Variants in FNDC3A observed in about 807,000 individuals in gnomAD.
FNDC3A encodes fibronectin type-III domain-containing protein 3A.
A neutral mutation model predicts 148.9 loss-of-function variants in FNDC3A; 32 were observed. That is an observed-to-expected ratio of 0.21 (90% CI 0.16 to 0.29). The LOEUF is 0.29. FNDC3A is among the 10% of genes least tolerant of loss of function. FNDC3A has a pLI of 1.00. For missense variants in FNDC3A, 1,191 were observed against 1,452.8 expected (o/e 0.82, Z 2.93); for synonymous variants, 472 against 473.6 (o/e 1.00, Z 0.04).
intron 2 of FNDC3A, among the ~76,000 whole-genome samples, chr13:49,063,651 G>T (rs191364193): frequency 6.6e-6 from 1 of 152,086 alleles, no homozygotes; most frequent in Non-Finnish European, 1.5e-5. Context: ...GAAGATAATG[G>T]GTGAGTCAGT....
intron 3 of FNDC3A, among the ~76,000 whole-genome samples, chr13:49,113,668 T>C (rs111755206): frequency 6.4e-4 from 97 of 152,314 alleles, no homozygotes; most frequent in African/African-American, 2.0e-3. Flanking sequence ...CATCAGACCT[T>C]TGTTCTTATT....
chr13:49,203,886 T>A (rs1287673896), intron 25 of FNDC3A, among the ~76,000 whole-genome samples: 1 of 152,120 alleles, frequency 6.6e-6, no homozygotes, highest in East Asian at 1.9e-4. Flanking sequence ...CTAAGGGGCC[T>A]ATAGGTGGTA....
At chr13:49,127,272 C>G (rs1419469033) in intron 4 of FNDC3A, among the ~76,000 whole-genome samples, 1 of 152,186 alleles carries the variant, frequency 6.6e-6, no homozygotes, top group Non-Finnish European at 1.5e-5. Context: ...TAATTTCACT[C>G]CTGAAAACAA....
intron 1 of FNDC3A, among the ~76,000 whole-genome samples, chr13:48,995,063 T>C (rs1227050978): frequency 6.6e-6 from 1 of 152,146 alleles, no homozygotes; most frequent in African/African-American, 2.4e-5. Context: ...GAAAATATTT[T>C]CCAATTATAT....
intron 2 of FNDC3A, among the ~76,000 whole-genome samples, chr13:49,050,724 A>G (rs1235977500): frequency 1.3e-5 from 2 of 152,136 alleles, no homozygotes; most frequent in South Asian, 2.1e-4. Context: ...TGATCTGTCT[A>G]ATGCTGTCAG....
At chr13:48,992,082 T>C (rs1219969298) in intron 1 of FNDC3A, among the ~76,000 whole-genome samples, 1 of 152,206 alleles carries the variant, frequency 6.6e-6, no homozygotes, top group African/African-American at 2.4e-5. Flanking sequence ...AGTCCAAAAA[T>C]TGTAAGTTGA....
chr13:49,106,773 C>CAAAAAAAAAAAAAAAAAAAAAACAAAA (rs543962565), intron 3 of FNDC3A, among the ~76,000 whole-genome samples: 1 of 79,884 alleles, frequency 1.3e-5, no homozygotes, highest in Non-Finnish European at 2.3e-5. Context: ...TGAATGAAAG[C>CAAAAAAAAAAAAAAAAAAAAAACAAAA]AAAAAAAAAA....
chr13:49,187,435 TTAAAA>T lies in FNDC3A; in HGVS notation c.1825+247_1825+251del, dbSNP rs1885638240. On this transcript the variant is annotated intron_variant, in intron 16 of 25. Transcript: ENST00000492622. Reference sequence around the variant, plus strand: ...GATCCACTTCCAGAGGCTGTACCTCTTAAAATGCTCTTCATATCTGTTAATGGATG... The same window carrying T: ...GATCCACTTCCAGAGGCTGTACCTCTTGCTCTTCATATCTGTTAATGGATG... The T allele has an allele frequency of 7.5e-6, 9 of 1,206,028 alleles. No individual in the cohort carries two copies. In the Admixed American group the frequency reaches 1.5e-4, roughly 21 times the overall value. 74.7% of individuals were successfully genotyped at this position (1,206,028 alleles called of 1,614,324 possible).
chr13:49,167,247 A>G lies in FNDC3A; in HGVS notation c.981A>G (p.Gly327=). 1 of 1,596,156 alleles carries G rather than the reference A, an allele frequency of 6.3e-7. No individual in the cohort carries two copies. The highest frequency in any genetic ancestry group is 8.6e-7 in the Non-Finnish European group (1 of 1,168,712). Residue 327 remains glycine, a synonymous_variant, in exon 9 of 26, where the codon GGA becomes GGG. Coordinates refer to ENST00000492622, the MANE Select transcript of FNDC3A (RefSeq NM_001079673.2). ...KDGKYKSVYV[G]EETNITLNDL... ...TATATTACCCTTTTTTCCCCAGAGGAGAAGAAACAAATATCACTTTAAATG... is the reference window on the plus strand; with the variant it reads ...TATATTACCCTTTTTTCCCCAGAGGGGAAGAAACAAATATCACTTTAAATG...
At chr13:49,147,830 C>T (rs1883078632) in intron 8 of FNDC3A, among the ~76,000 whole-genome samples, 1 of 152,138 alleles carries the variant, frequency 6.6e-6, no homozygotes, top group Non-Finnish European at 1.5e-5. Flanking sequence ...ATTGGTTGTA[C>T]TAATTAACAT....
intron 3 of FNDC3A, among the ~76,000 whole-genome samples, chr13:49,103,439 A>G (rs1879982403): frequency 4.6e-5 from 7 of 152,238 alleles, no homozygotes; most frequent in Admixed American, 3.3e-4. Flanking sequence ...ATAGTAGGCT[A>G]CAGTAAAGAA....
At chr13:49,078,615 C>G (rs1878271813) in intron 3 of FNDC3A, among the ~76,000 whole-genome samples, 1 of 152,192 alleles carries the variant, frequency 6.6e-6, no homozygotes, top group African/African-American at 2.4e-5. Flanking sequence ...TAGTAGTGAG[C>G]AAGGGAACTG....
intron 3 of FNDC3A, among the ~76,000 whole-genome samples, chr13:49,085,620 A>G (rs771531280): frequency 4.8e-4 from 73 of 152,218 alleles, no homozygotes; most frequent in Non-Finnish European, 8.4e-4. Flanking sequence ...TGCAGTTACT[A>G]TAACAGTAGG....
chr13:48,995,202 A>T (rs965071087), intron 1 of FNDC3A, among the ~76,000 whole-genome samples: 1 of 152,182 alleles, frequency 6.6e-6, no homozygotes, highest in African/African-American at 2.4e-5. Context: ...GTCGTGAGCC[A>T]CTGTAAGAGT....
intron 14 of FNDC3A, among the ~76,000 whole-genome samples, chr13:49,179,146 C>T (rs1045073390): frequency 2.0e-5 from 3 of 152,190 alleles, no homozygotes; most frequent in Admixed American, 2.0e-4. Flanking sequence ...CGGTGCTTCT[C>T]AAACTTTATA....
intron 2 of FNDC3A, among the ~76,000 whole-genome samples, chr13:49,015,405 G>A (rs562632724): frequency 8.4e-4 from 128 of 152,284 alleles, no homozygotes; most frequent in African/African-American, 3.0e-3. Flanking sequence ...CTGTTTGTCT[G>A]TTGTTGGTGT....
At chr13:49,023,032 A>G (rs937286300) in intron 2 of FNDC3A, among the ~76,000 whole-genome samples, 8 of 152,172 alleles carry the variant, frequency 5.3e-5, no homozygotes, top group East Asian at 3.9e-4. Flanking sequence ...AACTTCACAC[A>G]TATTCAGGTT....
intron 3 of FNDC3A, among the ~76,000 whole-genome samples, 200 bp from the exon 4 acceptor site, chr13:49,114,455 A>C (rs1880798819): frequency 6.6e-6 from 1 of 151,454 alleles, no homozygotes; most frequent in Non-Finnish European, 1.5e-5. Context: ...AAAAAACACA[A>C]ATGTAGGTAA....
intron 1 of FNDC3A, among the ~76,000 whole-genome samples, chr13:48,986,185 A>G (rs1336498899): frequency 1.3e-5 from 2 of 152,200 alleles, no homozygotes; most frequent in Non-Finnish European, 2.9e-5. Flanking sequence ...TTTTATTTTC[A>G]GAGTTTCTGT....
Sources: gnomAD v4.1 joint callset for allele counts (sites outside exome capture counted in the v4.1 genomes callset) on GRCh38, gnomAD v4.1.1 for gene constraint, MANE v1.5 for transcripts, NCBI Gene and HGNC (gene_info 2026-07-23, HGNC 2026-07-21) for gene names.